TNRC6C: variants seen among roughly 807,000 people sequenced by gnomAD.
TNRC6C encodes trinucleotide repeat containing adaptor 6C, also known as trinucleotide repeat-containing gene 6C protein.
TNRC6C carries 20 observed loss-of-function variants against 153.7 expected under a neutral mutation model. The ratio of observed to expected loss-of-function variants is 0.13; its 90% CI spans 0.09 to 0.19. The LOEUF (loss-of-function observed/expected upper bound fraction) is 0.19. Among genes scored for constraint, TNRC6C ranks in the 10% least tolerant of loss-of-function variants. The probability of loss-of-function intolerance (pLI) is 1.00; values close to 1 mark genes in which losing one functional copy is unlikely to be tolerated. For synonymous variants in TNRC6C, 811 were observed against 841.4 expected (o/e 0.96, Z 0.63); for missense variants, 1,987 against 2,172.0 (o/e 0.91, Z 1.69).
At chr17:78,090,589 T>C (rs78045209) in intron 13 of TNRC6C, among the ~76,000 whole-genome samples, 3 of 152,332 alleles carry the variant, frequency 2.0e-5, no homozygotes, top group Non-Finnish European at 2.9e-5. Context: ...TCCAAACTAG[T>C]GTCCTCATCA....
intron 1 of TNRC6C, among the ~76,000 whole-genome samples, chr17:77,985,674 A>G (rs1301075607): frequency 1.3e-5 from 2 of 151,638 alleles, no homozygotes; most frequent in South Asian, 2.1e-4. Flanking sequence ...TCTGTCTCTG[A>G]CCTCTAAACC....
chr17:78,075,012 G>T lies in TNRC6C; in HGVS notation c.2918-124G>T. 3.2e-6 allele frequency: 4 copies of T among 1,262,698 alleles called. No individual in the cohort carries two copies. Among genetic ancestry groups the T allele is most frequent in the Non-Finnish European group, 4.3e-6 (4 of 920,444 alleles). 78.2% of individuals were successfully genotyped at this position (1,262,698 alleles called of 1,614,324 possible). A position where few individuals can be genotyped will look rare whatever the true frequency, so the allele number is the denominator to read the frequency against. ...CAAAGCAAGGGCTCTCTCTGCCCCTGGCTTCCCTGTGTTTGAAGGGGTGGA... is the reference window on the plus strand; with the variant it reads ...CAAAGCAAGGGCTCTCTCTGCCCCTTGCTTCCCTGTGTTTGAAGGGGTGGA... On this transcript the variant is annotated intron_variant, in intron 7 of 19. Coordinates refer to ENST00000301624, the Ensembl canonical transcript of TNRC6C. The surrounding 1 kb of genome is among the most constrained non-coding windows in gnomAD (Gnocchi z 4.2).
At chr17:77,977,102 TCTAA>T (rs1054559472) in intron 1 of TNRC6C, among the ~76,000 whole-genome samples, 2 of 152,116 alleles carry the variant, frequency 1.3e-5, no homozygotes, top group African/African-American at 4.8e-5. Context: ...ACTTAGACTT[TCTAA>T]CTTTTATAAT....
At chr17:77,973,184 G>A (rs2144071122) in intron 1 of TNRC6C, among the ~76,000 whole-genome samples, 1 of 152,300 alleles carries the variant, frequency 6.6e-6, no homozygotes, top group Non-Finnish European at 1.5e-5. Flanking sequence ...GGGATTACAG[G>A]CGTGAGCCAC....
At chr17:77,975,279 A>T (rs368991323) in intron 1 of TNRC6C, among the ~76,000 whole-genome samples, 4 of 152,246 alleles carry the variant, frequency 2.6e-5, no homozygotes, top group East Asian at 3.8e-4. Context: ...GATATACATT[A>T]AACTGCACAT....
exon 20 of TNRC6C, chr17:78,108,618 C>G (rs1460295231): frequency 6.5e-6 from 1 of 154,884 alleles, no homozygotes; most frequent in African/African-American, 2.4e-5. Context: ...TTTTGACAGA[C>G]TGGGAACTCG....
Position 77,996,628 on chromosome 17 carries a change from C to T in TNRC6C, c.-37-7542C>T, listed in dbSNP as rs558120972. On this transcript the variant is annotated intron_variant, in intron 1 of 22. Coordinates refer to the TNRC6C transcript ENST00000636222. Reference sequence around the variant, plus strand: ...TTATTCCTGAACTCAAGAGGGCATACCTCACAGACACTTAGTTTTTCTCTC... The same window carrying T: ...TTATTCCTGAACTCAAGAGGGCATATCTCACAGACACTTAGTTTTTCTCTC... 2.0e-5 allele frequency among the ~76,000 whole-genome samples: 3 copies of T among 152,310 alleles called. No homozygotes were observed. The East Asian group carries it at 5.8e-4, about 29-fold the overall frequency.
intron 17 of TNRC6C, among the ~76,000 whole-genome samples, chr17:78,101,191 A>G (rs541606242): frequency 3.3e-5 from 5 of 152,202 alleles, no homozygotes; most frequent in East Asian, 1.9e-4. Context: ...GATACCCTCA[A>G]TCATCCCTCT....
At chr17:78,035,232 G>A (rs2072156582) in intron 2 of TNRC6C, among the ~76,000 whole-genome samples, 1 of 152,150 alleles carries the variant, frequency 6.6e-6, no homozygotes, top group East Asian at 1.9e-4. Context: ...AGGGATTGTA[G>A]GTGAGCATCA....
At chr17:78,005,108 A>G (rs564254926) in intron 1 of TNRC6C, 29 bp downstream of exon 3, 32 of 1,227,694 alleles carry the variant, frequency 2.6e-5, no homozygotes, top group Non-Finnish European at 3.2e-5. Context: ...AGGGGGGTAC[A>G]TTTATGGCGG....
chr17:78,029,648 T>A (rs2072020263), intron 1 of TNRC6C, among the ~76,000 whole-genome samples: 1 of 152,222 alleles, frequency 6.6e-6, no homozygotes, highest in Non-Finnish European at 1.5e-5. Flanking sequence ...TAAAGCTTTT[T>A]AATTTTTTTA....
At chr17:78,097,970 G>A in intron 16 of TNRC6C, 109 bp downstream of exon 19, 2 of 962,944 alleles carry the variant, frequency 2.1e-6, no homozygotes, top group Non-Finnish European at 3.0e-6. Context: ...TCCCTGAGCT[G>A]GGAGGCCGTG....
Position 77,998,181 on chromosome 17 carries a change from C to T in TNRC6C, c.-37-5989C>T, listed in dbSNP as rs550145798. 3.3e-5 allele frequency among the ~76,000 whole-genome samples: 5 copies of T among 152,206 alleles called. 1 individual carries two copies. The highest frequency in any genetic ancestry group is 2.1e-4 in the South Asian group (1 of 4,820). On this transcript the variant is annotated intron_variant, in intron 1 of 22. Transcript: ENST00000636222. ...TTTGTGGCCAGACCCTTCCTCCCAC[C>T]GACAGTTGCTGGTCTATTTTCAGTT...
chr17:78,028,044 C>T (rs537595806), intron 1 of TNRC6C, among the ~76,000 whole-genome samples: 22 of 152,060 alleles, frequency 1.4e-4, no homozygotes, highest in South Asian at 2.1e-4. Flanking sequence ...TGCAGGCGCC[C>T]GCCACCATGC....
Position 78,075,276 on chromosome 17 carries a change from A to G in TNRC6C, c.3058A>G (p.Lys1020Glu). The change falls in exon 8 of 20, where the codon AAG (lysine) becomes GAG (glutamate). Residue 1020 changes from lysine to glutamate, a missense_variant and splice_region_variant. By Grantham distance (56) the Lys-to-Glu change is moderately conservative. This residue lies in a region of TNRC6C where 765 missense variants were observed against 908.6 expected (regional missense o/e 0.84). Coordinates refer to ENST00000301624, the Ensembl canonical transcript of TNRC6C. The surrounding 1 kb of genome is among the most constrained non-coding windows in gnomAD (Gnocchi z 4.2). Reference sequence around the variant, plus strand: ...CGTGGACCGCCCCACCTTTCTTGACAAGGTATGAATATAGGTGGTTTGTTG... The same window carrying G: ...CGTGGACCGCCCCACCTTTCTTGACGAGGTATGAATATAGGTGGTTTGTTG... 6.3e-7 allele frequency: 1 copy of G among 1,586,494 alleles called. No homozygotes were observed. Among genetic ancestry groups the G allele is most frequent in the Non-Finnish European group, 8.6e-7 (1 of 1,165,960 alleles).
chr17:78,103,580 G>T, intron 19 of TNRC6C, 27 bp downstream of exon 22: 2 of 1,612,902 alleles, frequency 1.2e-6, no homozygotes, highest in Non-Finnish European at 1.7e-6. Flanking sequence ...CCACCTCAGC[G>T]CTCCAAGTAG....
intron 1 of TNRC6C, among the ~76,000 whole-genome samples, chr17:78,017,831 G>GT (rs769977856): frequency 9.2e-5 from 14 of 152,216 alleles, no homozygotes. Flanking sequence ...GTCTAGGCTG[G>GT]TGGGAGTGAG....
chr17:78,102,753 TG>T (rs2073620837), intron 18 of TNRC6C: 1 of 532,190 alleles, frequency 1.9e-6, no homozygotes, highest in Non-Finnish European at 3.3e-6. Flanking sequence ...CTTTTAACCA[TG>T]TTCCTGGTGA....
chr17:78,092,969 G>A (rs2073419455), exon 15 of TNRC6C: 1 of 1,613,762 alleles, frequency 6.2e-7, no homozygotes, highest in African/African-American at 1.3e-5. Context: ...GGGCCTCCAG[G>A]TAAGTCCTCC....
Sources: allele counts gnomAD v4.1 joint callset (sites outside exome capture counted in the v4.1 genomes callset), GRCh38; gene constraint gnomAD v4.1.1; regional missense constraint gnomAD v4.1.1; non-coding constraint Gnocchi (gnomAD v3.1); transcripts MANE v1.5; gene names NCBI Gene and HGNC (gene_info 2026-07-23, HGNC 2026-07-21).